The following MADD variants were observed in gnomAD, a reference collection of about 807,000 sequenced individuals.
MADD encodes MAP kinase activating death domain.
In MADD, 109 loss-of-function variants were observed where a neutral mutation model predicts 176.7. That is an observed-to-expected ratio of 0.62 (90% CI 0.53 to 0.72). The LOEUF (loss-of-function observed/expected upper bound fraction) is 0.72. MADD is among the 30% of genes least tolerant of loss of function. The pLI is 0.00. For synonymous variants in MADD, 771 were observed against 771.3 expected (o/e 1.00, Z 0.01); for missense variants, 1,914 against 2,045.5 (o/e 0.94, Z 1.24).
In MADD at chr11:47,286,595, T is replaced by C. The variant is rs1191399582; in HGVS notation, c.2653+61T>C. 5 of 1,302,450 alleles carry C rather than the reference T, an allele frequency of 3.8e-6. No homozygotes were observed. In the African/African-American group the frequency reaches 4.4e-5, roughly 11 times the overall value. 80.7% of individuals were successfully genotyped at this position (1,302,450 alleles called of 1,614,324 possible). ...TCCGGGAGATGTTTCGGGCTGTGGG[T>C]TCATGTCAGGAGCCCTGCATCTGCT... On this transcript the variant is annotated intron_variant, in intron 15 of 32. Coordinates refer to ENST00000402192, the Ensembl canonical transcript of MADD.
At chr11:47,308,958 C>T (rs2085567796) in intron 23 of MADD, 22 bp from the exon 26 acceptor site, 2 of 1,610,366 alleles carry the variant, frequency 1.2e-6, no homozygotes, top group Non-Finnish European at 1.7e-6. Context: ...TACCATGGTC[C>T]TTCCTGCTCT....
intron 22 of MADD, among the ~76,000 whole-genome samples, chr11:47,300,457 G>C (rs112652091): frequency 0.14 from 11,150 of 78,506 alleles, 518 homozygotes; most frequent in East Asian, 0.26. Context: ...TCTACCCCCC[G>C]CCCGCCCCAA....
chr11:47,281,786 C>A, intron 8 of MADD, 33 bp downstream of exon 8: 1 of 1,444,708 alleles, frequency 6.9e-7, no homozygotes, highest in Non-Finnish European at 9.3e-7. Flanking sequence ...ATCACAAGTT[C>A]TTAAATTAAT....
chr11:47,309,864 C>T (rs1409715125), intron 25 of MADD, among the ~76,000 whole-genome samples: 10 of 139,118 alleles, frequency 7.2e-5, no homozygotes, highest in African/African-American at 2.7e-4. Context: ...TTTTTTGAGA[C>T]GGAGTCTTGC....
At chr11:47,285,496 C>T (rs1419914721) in exon 14 of MADD, 3 of 1,614,082 alleles carry the variant, frequency 1.9e-6, no homozygotes, top group Non-Finnish European at 2.5e-6. Context: ...TGGCAAGTGA[C>T]TCAGATGCAG....
In MADD at chr11:47,282,629, G is replaced by T; in HGVS notation, c.1705+13G>T. The T allele has an allele frequency of 2.5e-6, 4 of 1,612,854 alleles. No individual in the cohort carries two copies. Among genetic ancestry groups the T allele is most frequent in the Non-Finnish European group, 3.4e-6 (4 of 1,178,938 alleles). ...CGAATTCACAACAGTGAGTCTACCT[G>T]CCCTCTGCTCCGCTCTGCCTTGTGC... On this transcript the variant is annotated intron_variant, in intron 9 of 32. Transcript: ENST00000402192.
chr11:47,327,463 G>T (rs550958924), intron 31 of MADD: 1 of 985,238 alleles, frequency 1.0e-6, no homozygotes, highest in Non-Finnish European at 1.2e-6. Flanking sequence ...ACCTCGGCTC[G>T]TGCTGCCTCT....
chr11:47,324,017 G>A (rs1350583806), intron 28 of MADD, 182 bp downstream of exon 31: 21 of 680,210 alleles, frequency 3.1e-5, no homozygotes, highest in Middle Eastern at 3.7e-4. Context: ...AGTCACAATC[G>A]GTATTAACCA....
chr11:47,288,906 C>T (rs541709817), intron 15 of MADD, 62 bp from the exon 16 acceptor site: 40 of 1,193,906 alleles, frequency 3.4e-5, no homozygotes, highest in South Asian at 1.5e-4. Context: ...TACTGCTCCT[C>T]GGAGGGGTAG....
At chr11:47,303,007 G>A (rs1184237114) in intron 22 of MADD, among the ~76,000 whole-genome samples, 6 of 152,028 alleles carry the variant, frequency 3.9e-5, no homozygotes, top group Non-Finnish European at 7.4e-5. Context: ...AGCATGTCTT[G>A]TAAGGGTGTG....
At chr11:47,295,379 TC>T in intron 20 of MADD, 116 bp from the exon 23 acceptor site, 1 of 770,292 alleles carries the variant, frequency 1.3e-6, no homozygotes, top group South Asian at 1.7e-5. Context: ...GCTCGTGACT[TC>T]TCTAAGGATG....
chr11:47,322,340 GCTCACGTCTGTAATC>G (rs2094595636), intron 27 of MADD, among the ~76,000 whole-genome samples: 1 of 152,160 alleles, frequency 6.6e-6, no homozygotes, highest in Non-Finnish European at 1.5e-5. Flanking sequence ...GCGCATGGTG[GCTCACGTCTGTAATC>G]CCAGCACTTT....
chr11:47,323,180 G>A (rs1015079867), intron 27 of MADD, among the ~76,000 whole-genome samples: 2 of 151,244 alleles, frequency 1.3e-5, no homozygotes, highest in Non-Finnish European at 2.9e-5. Flanking sequence ...AGAGGTTGCA[G>A]TGAGTCGAGA....
intron 22 of MADD, among the ~76,000 whole-genome samples, chr11:47,308,022 G>A (rs1008804133): frequency 6.6e-6 from 1 of 152,230 alleles, no homozygotes; most frequent in Non-Finnish European, 1.5e-5. Flanking sequence ...TGAAGTTAGT[G>A]ATATTTTTTA....
intron 3 of MADD, 32 bp from the exon 4 acceptor site, chr11:47,275,867 A>G (rs772739366): frequency 4.5e-5 from 71 of 1,575,434 alleles, no homozygotes; most frequent in Non-Finnish European, 6.0e-5. Flanking sequence ...TTCTGATGCT[A>G]ATGTGTCTGA....
At chr11:47,326,454 C>T (rs899751438) in intron 30 of MADD, 90 bp from the exon 34 acceptor site, 3 of 1,107,778 alleles carry the variant, frequency 2.7e-6, no homozygotes, top group Non-Finnish European at 2.3e-6. Flanking sequence ...TACGGGCGGG[C>T]AGCCCAGGCC....
chr11:47,274,649 C>A (rs1242275827), exon 3 of MADD: 7 of 1,614,234 alleles, frequency 4.3e-6, no homozygotes, highest in Non-Finnish European at 5.9e-6. Flanking sequence ...CCCCTGCCCC[C>A]AGATGTAGTG....
At chr11:47,281,706 C>G in exon 8 of MADD, 2 of 1,613,436 alleles carry the variant, frequency 1.2e-6, no homozygotes, top group Non-Finnish European at 1.7e-6. Context: ...CTGAATTCAA[C>G]CCACTCATCT....
chr11:47,328,592 G>C, intron 31 of MADD, 66 bp from the exon 36 acceptor site: 1 of 1,610,142 alleles, frequency 6.2e-7, no homozygotes, highest in Non-Finnish European at 8.5e-7. Context: ...TGCCGCCTGG[G>C]GGAGCATGGC....
Sources: gnomAD v4.1 joint callset for allele counts (sites outside exome capture counted in the v4.1 genomes callset) on GRCh38, gnomAD v4.1.1 for gene constraint, MANE v1.5 for transcripts, NCBI Gene and HGNC (gene_info 2026-07-23, HGNC 2026-07-21) for gene names.